MID1: variants seen among roughly 807,000 people sequenced by gnomAD.
MID1 encodes E3 ubiquitin-protein ligase Midline-1.
Under a neutral mutation model 40.4 loss-of-function variants are expected in MID1, and 7 were observed. That is an observed-to-expected ratio of 0.17 (90% CI 0.10 to 0.33). The LOEUF (loss-of-function observed/expected upper bound fraction) is 0.33. Among genes scored for constraint, MID1 ranks in the 10% least tolerant of loss-of-function variants. The pLI, the probability that MID1 is intolerant of heterozygous loss-of-function variation, is 1.00. For missense variants in MID1, 367 were observed against 558.5 expected (o/e 0.66, Z 3.46); for synonymous variants, 229 against 221.2 (o/e 1.04, Z -0.31).
intron 1 of MID1, among the ~76,000 whole-genome samples, chrX:10,634,740 A>T (rs1426998018): frequency 1.8e-5 from 2 of 112,129 alleles, no homozygotes; most frequent in Non-Finnish European, 3.8e-5. Flanking sequence ...AGCAAGTAAG[A>T]CGAATATCGT....
chrX:10,789,709 A>G (rs1485671057), intron 1 of MID1, among the ~76,000 whole-genome samples: 3 of 112,084 alleles, frequency 2.7e-5, no homozygotes, highest in Admixed American at 1.9e-4. Flanking sequence ...TAAGTGACAC[A>G]TGACTGTGCA....
Position 10,682,069 on chromosome X carries a change from G to A in MID1, c.-186-61650C>T, listed in dbSNP as rs576933815. On this transcript the variant is annotated intron_variant, in intron 1 of 10. Coordinates refer to the MID1 transcript ENST00000380785. ...GCCTGTAATCCTAGCACTTTGGGAG[G>A]TGGAAATGGGAGGATCGCTTGAGCC... Among the ~76,000 whole-genome samples the A allele has an allele frequency of 8.4e-4, 93 of 111,217 alleles. 2 individuals are homozygous for A. In the South Asian group the frequency reaches 0.01, roughly 12 times the overall value.
At chrX:10,588,825 C>T (rs1053587289) in intron 1 of MID1, among the ~76,000 whole-genome samples, 6 of 111,399 alleles carry the variant, frequency 5.4e-5, no homozygotes, top group African/African-American at 2.0e-4. Context: ...TTACAGGCTA[C>T]CTTGTGCCAT....
At chrX:10,774,164 C>T (rs1213922865) in intron 1 of MID1, among the ~76,000 whole-genome samples, 1 of 110,666 alleles carries the variant, frequency 9.0e-6, no homozygotes, top group Non-Finnish European at 1.9e-5. Context: ...AAAATTGTAC[C>T]AACAAGAAGG....
intron 1 of MID1, among the ~76,000 whole-genome samples, chrX:10,663,757 T>C (rs143023956): frequency 0.019 from 2,133 of 111,879 alleles, 48 homozygotes; most frequent in African/African-American, 0.066. Context: ...AGGATAAAAT[T>C]AGATGTGTGC....
At chrX:10,501,629 GCCTAGT>G in intron 3 of MID1, 1 of 902,040 alleles carries the variant, frequency 1.1e-6, no homozygotes, top group Non-Finnish European at 1.5e-6. Flanking sequence ...TATCTGGCCT[GCCTAGT>G]CCTGAGATGG....
intron 2 of MID1, among the ~76,000 whole-genome samples, chrX:10,529,315 A>G (rs929142109): frequency 8.9e-6 from 1 of 112,107 alleles, no homozygotes; most frequent in Non-Finnish European, 1.9e-5. Context: ...ATTTAGTAGT[A>G]CATAGCTACA....
chrX:10,527,340 C>T (rs1035560480), intron 2 of MID1, among the ~76,000 whole-genome samples: 4 of 111,490 alleles, frequency 3.6e-5, no homozygotes, highest in East Asian at 2.8e-4. Flanking sequence ...GGACTCTCTT[C>T]GGCAAATGAC....
At chrX:10,820,952 A>T (rs781426910) in intron 1 of MID1, among the ~76,000 whole-genome samples, 1 of 112,320 alleles carries the variant, frequency 8.9e-6, no homozygotes, top group Non-Finnish European at 1.9e-5. Context: ...TTGTAAACAT[A>T]AGTTATTATG....
At chrX:10,567,985 T>A (rs1005917656) in intron 1 of MID1, among the ~76,000 whole-genome samples, 2 of 112,216 alleles carry the variant, frequency 1.8e-5, no homozygotes, top group Admixed American at 1.9e-4. Flanking sequence ...TGTAGAAATA[T>A]TCATCAATAA....
intron 1 of MID1, among the ~76,000 whole-genome samples, chrX:10,741,295 A>C (rs186429070): frequency 5.3e-4 from 59 of 111,255 alleles, no homozygotes; most frequent in African/African-American, 1.9e-3. Flanking sequence ...GGGTCAGAGC[A>C]AGGAGAAATT....
intron 3 of MID1, among the ~76,000 whole-genome samples, chrX:10,522,559 C>T (rs886456004): frequency 7.1e-5 from 8 of 112,037 alleles, no homozygotes; most frequent in Non-Finnish European, 9.4e-5. Flanking sequence ...TGCAGTGGTG[C>T]GATCTCAGCT....
rs5979328 is a variant in MID1 at position 10,575,002 on chromosome X, C to T, written c.-56-7399G>A. ...TGACAAACACACTGTTAAAATTGCA[C>T]GATGTTACAGCAAGCCACACGAAAA... On this transcript the variant is annotated intron_variant, in intron 1 of 9. Coordinates refer to ENST00000317552, the MANE Select transcript of MID1 (RefSeq NM_000381.4). Among the ~76,000 whole-genome samples, 756 of 112,426 alleles carry T rather than the reference C, an allele frequency of 6.7e-3. 8 individuals carry two copies. The highest frequency in any genetic ancestry group is 0.023 in the African/African-American group (713 of 31,003).
intron 5 of MID1, among the ~76,000 whole-genome samples, chrX:10,476,815 G>A (rs1032156672): frequency 6.3e-5 from 7 of 111,555 alleles, no homozygotes; most frequent in African/African-American, 2.3e-4. Context: ...TGGGGAATTG[G>A]GCTAATTATT....
chrX:10,641,842 G>A (rs950985292), intron 1 of MID1, among the ~76,000 whole-genome samples: 10 of 111,546 alleles, frequency 9.0e-5, no homozygotes, highest in African/African-American at 3.3e-4. Flanking sequence ...TTCATCCCTG[G>A]GATGCAAGGC....
intron 1 of MID1, among the ~76,000 whole-genome samples, chrX:10,759,644 G>A (rs952157459): frequency 4.6e-5 from 5 of 109,653 alleles, no homozygotes; most frequent in East Asian, 5.8e-4. Context: ...CCCACCCTCC[G>A]CCACTCCCCC....
chrX:10,727,608 T>C (rs1311538792), intron 1 of MID1, among the ~76,000 whole-genome samples: 3 of 111,750 alleles, frequency 2.7e-5, no homozygotes, highest in South Asian at 7.5e-4. Flanking sequence ...CAAAGTGTGG[T>C]CCCTGAACCA....
intron 1 of MID1, among the ~76,000 whole-genome samples, chrX:10,632,331 T>A (rs1936061576): frequency 8.9e-6 from 1 of 111,866 alleles, no homozygotes; most frequent in African/African-American, 3.3e-5. Flanking sequence ...GAGCTACAGT[T>A]CCCTTATTTG....
At chrX:10,491,953 C>A (rs1930975362) in intron 4 of MID1, among the ~76,000 whole-genome samples, 1 of 111,933 alleles carries the variant, frequency 8.9e-6, no homozygotes, top group African/African-American at 3.3e-5. Context: ...TAAAAGAATG[C>A]GTTTTATGGC....
Sources: allele counts gnomAD v4.1 joint callset (sites outside exome capture counted in the v4.1 genomes callset), GRCh38; gene constraint gnomAD v4.1.1; transcripts MANE v1.5; gene names NCBI Gene and HGNC (gene_info 2026-07-23, HGNC 2026-07-21).